KCNIP4: variants seen among roughly 807,000 people sequenced by gnomAD.
KCNIP4 encodes Kv channel-interacting protein 4.
A neutral mutation model predicts 34.0 loss-of-function variants in KCNIP4; 12 were observed. The observed-to-expected ratio is 0.35, with a 90% CI of 0.23 to 0.57. The LOEUF (loss-of-function observed/expected upper bound fraction) is 0.57, where lower values mean the gene tolerates loss of function less well. Among genes scored for constraint, KCNIP4 ranks in the 20% least tolerant of loss-of-function variants. The pLI, the probability that KCNIP4 is intolerant of heterozygous loss-of-function variation, is 0.83. For missense variants in KCNIP4, 238 were observed against 311.7 expected, an observed-to-expected ratio of 0.76 and a Z score of 1.78; for synonymous variants, 124 against 102.2, an observed-to-expected ratio of 1.21 and a Z score of -1.29.
chr4:21,179,332 T>A (rs112858080), intron 1 of KCNIP4, among the ~76,000 whole-genome samples: 72 of 152,196 alleles, frequency 4.7e-4, no homozygotes, highest in Non-Finnish European at 9.7e-4. Flanking sequence ...ATTGAGATCA[T>A]AGTAGCCAGA....
intron 1 of KCNIP4, among the ~76,000 whole-genome samples, chr4:21,322,135 AGGAG>A (rs1440091838): frequency 2.2e-5 from 3 of 134,034 alleles, no homozygotes; most frequent in South Asian, 3.1e-4. Flanking sequence ...GAAGGAAGGA[AGGAG>A]GGAGGGAGGG....
chr4:21,115,598 T>C lies in KCNIP4; in HGVS notation c.62-232889A>G, dbSNP rs530397532. 3.9e-5 allele frequency among the ~76,000 whole-genome samples: 6 copies of C among 152,296 alleles called. No homozygotes were observed. The South Asian group carries it at 1.2e-3, about 32-fold the overall frequency. ...AGACAATTCAGCTTTAGTAGGAGTTTAATTATAAAATGAAACCAAGCAAAG... is the reference window on the plus strand; with the variant it reads ...AGACAATTCAGCTTTAGTAGGAGTTCAATTATAAAATGAAACCAAGCAAAG... On this transcript the variant is annotated intron_variant, in intron 1 of 8. Transcript: ENST00000382152.
At chr4:20,982,375 G>A (rs1736148507) in intron 1 of KCNIP4, among the ~76,000 whole-genome samples, 1 of 152,148 alleles carries the variant, frequency 6.6e-6, no homozygotes, top group African/African-American at 2.4e-5. Context: ...ACTGTATTAA[G>A]ACACCAGCAT....
chr4:20,906,691 G>A (rs575543775), intron 1 of KCNIP4, among the ~76,000 whole-genome samples: 3 of 152,244 alleles, frequency 2.0e-5, no homozygotes, highest in Admixed American at 1.3e-4. Flanking sequence ...TTGCACATTA[G>A]AGCCAATATA....
chr4:21,528,738 A>T (rs1343027111), intron 1 of KCNIP4, among the ~76,000 whole-genome samples: 1 of 4,644 alleles, frequency 2.2e-4, no homozygotes, highest in Admixed American at 2.6e-3. Flanking sequence ...AAAGAAAGAA[A>T]GAAAGAAAGA....
Position 20,850,635 on chromosome 4 carries a change from C to G in KCNIP4, c.196G>C (p.Val66Leu). 1 of 1,612,356 alleles carries G rather than the reference C, an allele frequency of 6.2e-7. No homozygotes were observed. Among genetic ancestry groups the G allele is most frequent in the Non-Finnish European group, 8.5e-7 (1 of 1,179,578 alleles). ...TCAAGGGCTTCAGGCCGATGCCTGA[C>G]GGTGGCCATCTCCAGTTCATCTTCC... ...SVEDELEMAT[V>L]RHRPEALELL... is the part of the protein sequence containing the mutation. The change falls in exon 3 of 9, where the codon GTC (valine) becomes CTC (leucine). Residue 66 changes from valine (V) to leucine (L), a missense_variant. By Grantham distance (32) the Val-to-Leu change is conservative (BLOSUM62 1). Coordinates refer to ENST00000382152, the MANE Select transcript of KCNIP4 (RefSeq NM_025221.6).
At chr4:21,580,858 A>C (rs1202379379) in intron 1 of KCNIP4, among the ~76,000 whole-genome samples, 1 of 152,052 alleles carries the variant, frequency 6.6e-6, no homozygotes, top group East Asian at 1.9e-4. Flanking sequence ...TATTGCAACG[A>C]AGAATGGAAG....
chr4:21,440,940 C>T (rs1377130979), intron 1 of KCNIP4, among the ~76,000 whole-genome samples: 1 of 151,866 alleles, frequency 6.6e-6, no homozygotes, highest in Non-Finnish European at 1.5e-5. Flanking sequence ...ATATTTTTTC[C>T]AAGACCTTGA....
intron 3 of KCNIP4, among the ~76,000 whole-genome samples, chr4:20,770,106 C>G (rs1296856231): frequency 3.5e-4 from 53 of 152,306 alleles, no homozygotes; most frequent in African/African-American, 1.3e-3. Context: ...CCACAGCCTG[C>G]TTCTTCTGAA....
At chr4:20,920,079 A>C (rs2149584987) in intron 1 of KCNIP4, among the ~76,000 whole-genome samples, 1 of 152,352 alleles carries the variant, frequency 6.6e-6, no homozygotes, top group African/African-American at 2.4e-5. Flanking sequence ...ACCATTCTTA[A>C]GTAATTAAAT....
chr4:21,380,835 T>C (rs1191425824), intron 1 of KCNIP4, among the ~76,000 whole-genome samples: 2 of 116,944 alleles, frequency 1.7e-5, no homozygotes, highest in South Asian at 2.6e-4. Context: ...ATATTTCCAT[T>C]GGTGACACAC....
chr4:21,074,344 C>T (rs1745275351), intron 1 of KCNIP4, among the ~76,000 whole-genome samples: 1 of 152,196 alleles, frequency 6.6e-6, no homozygotes, highest in Non-Finnish European at 1.5e-5. Context: ...AGGGATTCAA[C>T]TTCTTCCTGG....
intron 3 of KCNIP4, among the ~76,000 whole-genome samples, chr4:20,766,503 T>C (rs927391469): frequency 6.6e-6 from 1 of 151,972 alleles, no homozygotes; most frequent in African/African-American, 2.4e-5. Flanking sequence ...GAGATGGAGG[T>C]TGCAGTGAGC....
intron 1 of KCNIP4, among the ~76,000 whole-genome samples, chr4:21,330,770 C>A (rs1352140826): frequency 1.3e-5 from 2 of 152,146 alleles, no homozygotes; most frequent in African/African-American, 4.8e-5. Context: ...GAATGATTAC[C>A]TCTTGCAAAT....
chr4:20,918,430 T>C (rs13149513), intron 1 of KCNIP4, among the ~76,000 whole-genome samples: 1 of 152,184 alleles, frequency 6.6e-6, no homozygotes, highest in Non-Finnish European at 1.5e-5. Context: ...GTCTAGATGG[T>C]GTGGATTAAT....
At chr4:21,157,040 C>A (rs1398763597) in intron 1 of KCNIP4, among the ~76,000 whole-genome samples, 1 of 152,080 alleles carries the variant, frequency 6.6e-6, no homozygotes, top group East Asian at 1.9e-4. Flanking sequence ...GCTGAGTAAT[C>A]AGAACTGCTT....
At chr4:21,804,595 T>C (rs1382819114) in intron 1 of KCNIP4, among the ~76,000 whole-genome samples, 3 of 152,204 alleles carry the variant, frequency 2.0e-5, no homozygotes, top group Non-Finnish European at 4.4e-5. Context: ...GTTTGGGGGA[T>C]AACATTTCAC....
chr4:21,193,571 A>ATTTTTTTTTTTTTTTTTTTTTTTTT (rs71655619), intron 1 of KCNIP4, among the ~76,000 whole-genome samples: 2 of 119,238 alleles, frequency 1.7e-5, no homozygotes, highest in African/African-American at 3.6e-5. Context: ...GCAATTTTAA[A>ATTTTTTTTTTTTTTTTTTTTTTTTT]TTTTTTTTTT....
At chr4:21,734,396 A>T (rs1380642593) in intron 1 of KCNIP4, among the ~76,000 whole-genome samples, 1 of 147,434 alleles carries the variant, frequency 6.8e-6, no homozygotes, top group Non-Finnish European at 1.5e-5. Context: ...ATCAAAGTAG[A>T]ACTCAGTGGA....
Sources: allele counts gnomAD v4.1 joint callset (sites outside exome capture counted in the v4.1 genomes callset), GRCh38; gene constraint gnomAD v4.1.1; transcripts MANE v1.5; gene names NCBI Gene and HGNC (gene_info 2026-07-23, HGNC 2026-07-21).